Variants in ARL15 observed in about 807,000 individuals in gnomAD.
ARL15 encodes ARF like GTPase 15.
A neutral mutation model predicts 25.2 loss-of-function variants in ARL15; 19 were observed. The ratio of observed to expected loss-of-function variants is 0.75; its 90% CI spans 0.53 to 1.10. The LOEUF is 1.10. Among genes scored for constraint, ARL15 ranks in the 50% least tolerant of loss-of-function variants. The pLI is 0.00. For synonymous variants in ARL15, 94 were observed against 86.8 expected (o/e 1.08, Z -0.46); for missense variants, 220 against 246.0 (o/e 0.89, Z 0.71).
intron 1 of ARL15, among the ~76,000 whole-genome samples, chr5:54,297,413 T>C (rs111902540): frequency 4.5e-4 from 68 of 152,356 alleles, no homozygotes; most frequent in African/African-American, 1.5e-3. Flanking sequence ...CAGGCAGTTG[T>C]TGGAGCCTGG....
intron 1 of ARL15, among the ~76,000 whole-genome samples, chr5:54,206,634 C>CA (rs1316824946): frequency 4.6e-5 from 7 of 151,594 alleles, no homozygotes; most frequent in East Asian, 3.9e-4. Context: ...GTTAGCCAGA[C>CA]AAAAAAAATG....
At chr5:54,237,775 C>T (rs554868279) in intron 1 of ARL15, among the ~76,000 whole-genome samples, 10 of 152,246 alleles carry the variant, frequency 6.6e-5, no homozygotes, top group African/African-American at 2.2e-4. Context: ...GCCAAACCTT[C>T]AAAAATAATT....
In ARL15 at chr5:54,161,369, CA is replaced by C. The variant is rs958501718; in HGVS notation, c.194-6731del. Among the ~76,000 whole-genome samples, 8 of 151,216 alleles carry C rather than the reference CA, an allele frequency of 5.3e-5. No homozygotes were observed. In the East Asian group the frequency reaches 7.7e-4, roughly 15 times the overall value. On this transcript the variant is annotated intron_variant, in intron 2 of 4. Coordinates refer to ENST00000504924, the MANE Select transcript of ARL15 (RefSeq NM_019087.3). ...ACTGCTTTCTAAGAAAAATGCTTTCCAAAAAAAAGGGATATCATAACAGTCA... is the reference window on the plus strand; with the variant it reads ...ACTGCTTTCTAAGAAAAATGCTTTCCAAAAAAAGGGATATCATAACAGTCA...
intron 3 of ARL15, among the ~76,000 whole-genome samples, chr5:54,133,526 C>A (rs942173302): frequency 3.9e-5 from 6 of 152,202 alleles, no homozygotes; most frequent in African/African-American, 1.4e-4. Flanking sequence ...AACAGACACA[C>A]TATCAGAGCC....
intron 4 of ARL15, among the ~76,000 whole-genome samples, chr5:53,943,767 A>C (rs966410857): frequency 6.6e-6 from 1 of 152,176 alleles, no homozygotes; most frequent in East Asian, 1.9e-4. Context: ...TAAATTTTCT[A>C]CCTGAGAGCT....
At chr5:53,893,603 A>G (rs1205496600) in intron 4 of ARL15, among the ~76,000 whole-genome samples, 1 of 151,736 alleles carries the variant, frequency 6.6e-6, no homozygotes, top group Non-Finnish European at 1.5e-5. Context: ...GCGAGACTCC[A>G]TCTCAAAACA....
chr5:53,893,477 G>A (rs1187504863), intron 4 of ARL15, among the ~76,000 whole-genome samples: 3 of 152,078 alleles, frequency 2.0e-5, no homozygotes, highest in Non-Finnish European at 2.9e-5. Flanking sequence ...GCGTGGTGGT[G>A]GGCGCCTGTA....
At chr5:54,152,593 G>A (rs1754099729) in intron 3 of ARL15, among the ~76,000 whole-genome samples, 1 of 152,180 alleles carries the variant, frequency 6.6e-6, no homozygotes, top group South Asian at 2.1e-4. Context: ...TCTATGCATA[G>A]GCTAGAAATT....
At chr5:53,997,068 A>G (rs567138380) in intron 4 of ARL15, among the ~76,000 whole-genome samples, 1 of 152,298 alleles carries the variant, frequency 6.6e-6, no homozygotes, top group South Asian at 2.1e-4. Flanking sequence ...TGAAGAATAC[A>G]TTTCTCATCT....
At chr5:54,231,535 T>A (rs1007573351) in intron 1 of ARL15, among the ~76,000 whole-genome samples, 1 of 152,220 alleles carries the variant, frequency 6.6e-6, no homozygotes, top group Non-Finnish European at 1.5e-5. Context: ...TTAACAAGGC[T>A]GGCAGAGCTC....
At chr5:53,989,748 T>A (rs543791259) in intron 4 of ARL15, among the ~76,000 whole-genome samples, 1 of 152,200 alleles carries the variant, frequency 6.6e-6, no homozygotes, top group Non-Finnish European at 1.5e-5. Flanking sequence ...ACCAAAAGCC[T>A]TATTTTGAAA....
At chr5:53,949,544 A>G (rs760782288) in intron 4 of ARL15, among the ~76,000 whole-genome samples, 8 of 152,204 alleles carry the variant, frequency 5.3e-5, no homozygotes, top group East Asian at 1.9e-4. Context: ...GACAGCATGC[A>G]TAAGATCAAA....
chr5:54,083,056 T>C (rs1027629692), intron 4 of ARL15, among the ~76,000 whole-genome samples: 5 of 152,108 alleles, frequency 3.3e-5, no homozygotes, highest in African/African-American at 1.2e-4. Context: ...TAAGCAAATG[T>C]GGTATGTTTA....
chr5:54,170,771 C>G (rs1257185283), intron 2 of ARL15, among the ~76,000 whole-genome samples: 1 of 152,116 alleles, frequency 6.6e-6, no homozygotes, highest in African/African-American at 2.4e-5. Flanking sequence ...CCATCTATTT[C>G]TGGATATGAA....
At chr5:53,904,605 C>G (rs1745180210) in intron 4 of ARL15, among the ~76,000 whole-genome samples, 1 of 152,080 alleles carries the variant, frequency 6.6e-6, no homozygotes, top group Non-Finnish European at 1.5e-5. Flanking sequence ...TAGGTAATGG[C>G]TGCTTAATGA....
At chr5:54,213,259 T>C (rs1396434805) in intron 1 of ARL15, among the ~76,000 whole-genome samples, 2 of 152,210 alleles carry the variant, frequency 1.3e-5, no homozygotes, top group Admixed American at 6.5e-5. Context: ...ACACTATAAA[T>C]GTGTCTTGTA....
intron 1 of ARL15, among the ~76,000 whole-genome samples, chr5:54,174,834 C>T (rs1466252357): frequency 6.6e-6 from 1 of 152,216 alleles, no homozygotes; most frequent in Non-Finnish European, 1.5e-5. Context: ...CCATGGCTAG[C>T]AGCTGTTCAG....
At chr5:54,079,492 T>A (rs1050358917) in intron 4 of ARL15, among the ~76,000 whole-genome samples, 2 of 152,188 alleles carry the variant, frequency 1.3e-5, no homozygotes, top group African/African-American at 2.4e-5. Context: ...TAATCCCTCT[T>A]ATTTTCAAGT....
intron 4 of ARL15, among the ~76,000 whole-genome samples, chr5:53,894,786 T>C (rs755196766): frequency 7.9e-5 from 12 of 152,142 alleles, no homozygotes; most frequent in Non-Finnish European, 1.5e-4. Context: ...GATCAGCCTA[T>C]AAATACTCTC....
Sources: allele counts gnomAD v4.1 joint callset (sites outside exome capture counted in the v4.1 genomes callset), GRCh38; gene constraint gnomAD v4.1.1; transcripts MANE v1.5; gene names NCBI Gene and HGNC (gene_info 2026-07-23, HGNC 2026-07-21).